The following POU5F1B variants were observed in gnomAD, a reference collection of about 807,000 sequenced individuals.
The protein encoded by POU5F1B is POU domain, class 5, transcription factor 1B.
In POU5F1B, 24 loss-of-function variants were observed where a neutral mutation model predicts 28.1. The ratio of observed to expected loss-of-function variants is 0.85; its 90% CI spans 0.62 to 1.20. The LOEUF (loss-of-function observed/expected upper bound fraction) is 1.20, where lower values mean the gene tolerates loss of function less well. Among genes scored for constraint, POU5F1B ranks in the 50% most tolerant of loss-of-function variants. POU5F1B has a pLI of 0.00. For missense variants in POU5F1B, 451 were observed against 451.5 expected, an observed-to-expected ratio of 1.00 and a Z score of 0.01; for synonymous variants, 220 against 193.2, an observed-to-expected ratio of 1.14 and a Z score of -1.15.
In POU5F1B at chr8:127,416,352, T is replaced by A. The variant is rs1165105079; in HGVS notation, c.486T>A (p.Tyr162Ter). Residue 162 changes from tyrosine to a stop codon, truncating the protein, a stop_gained, in exon 3 of 3, where the codon TAT becomes TAA. Coordinates refer to ENST00000465342, the Ensembl canonical transcript of POU5F1B. LOFTEE classifies it high-confidence loss of function. ...AGCAGAAGAGGATCACCCTGGGATA[T>A]ACACAGGCCGATGTGGGGCTCATCC... 1.9e-6 allele frequency: 3 copies of A among 1,611,816 alleles called. No homozygotes were observed. Among genetic ancestry groups the A allele is most frequent in the Non-Finnish European group, 2.5e-6 (3 of 1,178,768 alleles).
intron 1 of POU5F1B, among the ~76,000 whole-genome samples, chr8:127,414,101 A>T (rs891740535): frequency 2.0e-5 from 3 of 152,228 alleles, no homozygotes; most frequent in African/African-American, 7.2e-5. Flanking sequence ...CAAGTGGGAG[A>T]ATCTAGAGGT....
exon 3 of POU5F1B, chr8:127,416,043 G>A (rs751127201): frequency 1.2e-6 from 2 of 1,607,380 alleles, no homozygotes; most frequent in African/African-American, 2.7e-5. Flanking sequence ...AGGTGTGGGG[G>A]ATTCCCCCTT....
exon 3 of POU5F1B, chr8:127,416,014 G>A (rs1815128280): frequency 1.2e-6 from 2 of 1,600,138 alleles, no homozygotes; most frequent in East Asian, 2.3e-5. Context: ...AATCGGGCCG[G>A]GGGTTGGGCC....
At chr8:127,417,117 G>A in exon 3 of POU5F1B, 1 of 859,658 alleles carries the variant, frequency 1.2e-6, no homozygotes, top group South Asian at 1.9e-5. Context: ...GAGGGAAGGT[G>A]AAGTTCAATG....
chr8:127,413,855 G>GGT (rs201753980), intron 1 of POU5F1B, among the ~76,000 whole-genome samples: 2,754 of 92,028 alleles, frequency 0.03, 80 homozygotes, highest in African/African-American at 0.095. Context: ...AAAAAAAGGT[G>GGT]GTACACACAC....
exon 3 of POU5F1B, chr8:127,415,532 C>T (rs58601895): frequency 0.01 from 2,914 of 280,822 alleles, 73 homozygotes; most frequent in African/African-American, 0.053. Context: ...CATGGTATGG[C>T]AGAAGCAGAA....
chr8:127,416,230 G>A (rs752618852), exon 3 of POU5F1B: 114 of 1,613,718 alleles, frequency 7.1e-5, no homozygotes, highest in Admixed American at 1.7e-5. Context: ...CCCTGGTGCC[G>A]TGAAGCTGGA....
intron 1 of POU5F1B, among the ~76,000 whole-genome samples, chr8:127,413,517 T>G (rs1043909062): frequency 6.6e-6 from 1 of 152,204 alleles, no homozygotes; most frequent in African/African-American, 2.4e-5. Context: ...TGCACTAAAC[T>G]AAATTAAACA....
chr8:127,416,575 A>G lies in POU5F1B; in HGVS notation c.709A>G (p.Ile237Val), dbSNP rs760100990. 470 of 1,605,294 alleles carry G rather than the reference A, an allele frequency of 2.9e-4. 1 individual carries two copies. Among genetic ancestry groups the G allele is most frequent in the Non-Finnish European group, 3.7e-4 (434 of 1,175,458 alleles). Residue 237 changes from isoleucine to valine, a missense_variant, in exon 3 of 3, where the codon ATC becomes GTC. By Grantham distance (29) the Ile-to-Val change is conservative. This residue lies in a region of POU5F1B where 213 missense variants were observed against 220.4 expected (regional missense o/e 0.97). Transcript: ENST00000465342. ...GGCCCGAAAGAGAAAGCGAACCAGT[A>G]TCGAGAACCGAGTGAGAGGCAACCT...
chr8:127,414,147 C>T (rs965496741), intron 1 of POU5F1B, among the ~76,000 whole-genome samples: 3 of 152,192 alleles, frequency 2.0e-5, no homozygotes, highest in Non-Finnish European at 4.4e-5. Flanking sequence ...CACTCAAGAA[C>T]GTCAAATAAG....
rs192359771 is a variant in POU5F1B, at chr8:127,417,191, C to T, written c.*245C>T. 7.0e-4 allele frequency: 140 copies of T among 200,068 alleles called. No individual in the cohort carries two copies. In the African/African-American group the frequency reaches 0.011, roughly 16 times the overall value. 12.4% of individuals were successfully genotyped at this position (200,068 alleles called of 1,614,324 possible). ...TTCTTAAATAAAGAAGCCTGGGACACAGTAAAAAAAAAAAAAAAAGAAAGA... is the reference window on the plus strand; with the variant it reads ...TTCTTAAATAAAGAAGCCTGGGACATAGTAAAAAAAAAAAAAAAAGAAAGA... On this transcript the variant is annotated 3_prime_UTR_variant, in exon 3 of 3. Coordinates refer to ENST00000465342, the Ensembl canonical transcript of POU5F1B.
At chr8:127,415,563 C>G (rs978746544) in exon 3 of POU5F1B, 4 of 359,986 alleles carry the variant, frequency 1.1e-5, no homozygotes, top group Non-Finnish European at 1.5e-5. Context: ...AATCATGGTG[C>G]CTACACTGGA....
exon 3 of POU5F1B, chr8:127,416,361 C>T (rs1815138945): frequency 1.1e-5 from 18 of 1,610,738 alleles, no homozygotes; most frequent in Non-Finnish European, 1.5e-5. Flanking sequence ...ATACACAGGC[C>T]GATGTGGGGC....
exon 3 of POU5F1B, chr8:127,415,696 C>A: frequency 9.0e-7 from 1 of 1,111,950 alleles, no homozygotes; most frequent in Non-Finnish European, 1.2e-6. Context: ...AAAGAGATTA[C>A]TTTTGAAGAG....
chr8:127,416,171 G>T, exon 3 of POU5F1B: 1 of 1,613,816 alleles, frequency 6.2e-7, no homozygotes, highest in East Asian at 2.2e-5. Context: ...GCAGGAGTCG[G>T]GGTGGAGAGC....
chr8:127,417,174 TAAA>T (rs1174239054), exon 3 of POU5F1B: 1 of 388,978 alleles, frequency 2.6e-6, no homozygotes, highest in Non-Finnish European at 4.2e-6. Flanking sequence ...TTTTCTTAAA[TAAA>T]GAAGCCTGGG....
exon 3 of POU5F1B, chr8:127,415,520 A>G: frequency 4.0e-6 from 1 of 252,642 alleles, no homozygotes; most frequent in Non-Finnish European, 7.5e-6. Context: ...AGAATCTAGC[A>G]TCATGGTATG....
exon 3 of POU5F1B, chr8:127,416,743 C>A (rs778774788): frequency 5.0e-6 from 8 of 1,609,160 alleles, no homozygotes; most frequent in Non-Finnish European, 6.8e-6. Flanking sequence ...CGACTATGCA[C>A]AACGAGAGGA....
chr8:127,415,972 C>G lies in POU5F1B; in HGVS notation c.106C>G (p.Leu36Val). The change falls in exon 3 of 3, where the codon CTA becomes GTA. Residue 36 changes from leucine (L) to valine (V), a missense_variant. Coordinates refer to ENST00000465342, the Ensembl canonical transcript of POU5F1B. ...GGGCTGGGTTGATCCTCTGACCTGG[C>G]TAAGCTTCCAAGGCCCTCCTGGAGG... 3 of 1,579,560 alleles carry G rather than the reference C, an allele frequency of 1.9e-6. No individual in the cohort carries two copies. The Admixed American group carries it at 5.4e-5, about 29-fold the overall frequency.
Sources: allele counts gnomAD v4.1 joint callset (sites outside exome capture counted in the v4.1 genomes callset), GRCh38; gene constraint gnomAD v4.1.1; regional missense constraint gnomAD v4.1.1; transcripts MANE v1.5; gene names NCBI Gene and HGNC (gene_info 2026-07-23, HGNC 2026-07-21).